The following AKAP6 variants were observed in gnomAD, a reference collection of about 807,000 sequenced individuals.
AKAP6 encodes A-kinase anchor protein 6.
AKAP6 carries 58 observed loss-of-function variants against 188.5 expected under a neutral mutation model. The observed-to-expected ratio is 0.31, with a 90% CI of 0.25 to 0.38. The LOEUF (loss-of-function observed/expected upper bound fraction) is 0.38, where lower values mean the gene tolerates loss of function less well. Among genes scored for constraint, AKAP6 ranks in the 10% least tolerant of loss-of-function variants. The probability of loss-of-function intolerance (pLI) is 1.00; values close to 1 mark genes in which losing one functional copy is unlikely to be tolerated. For synonymous variants in AKAP6, 989 were observed against 998.6 expected (o/e 0.99, Z 0.18); for missense variants, 2,710 against 2,740.0 (o/e 0.99, Z 0.24).
chr14:32,576,245 A>T (rs1884710412), intron 4 of AKAP6, among the ~76,000 whole-genome samples: 1 of 152,046 alleles, frequency 6.6e-6, no homozygotes, highest in African/African-American at 2.4e-5. Context: ...ATTCCTAGTT[A>T]TGTGTGGAAG....
chr14:32,817,822 G>A (rs903452338), intron 12 of AKAP6, among the ~76,000 whole-genome samples: 3 of 152,160 alleles, frequency 2.0e-5, no homozygotes, highest in Non-Finnish European at 4.4e-5. Flanking sequence ...ATTAGCTTGA[G>A]CATTATTGGT....
At chr14:32,736,031 C>A (rs1156329958) in intron 11 of AKAP6, 149 bp downstream of exon 11, 8 of 616,250 alleles carry the variant, frequency 1.3e-5, no homozygotes, top group Admixed American at 3.2e-5. Context: ...CTCCACATTT[C>A]TTATATGTCT....
chr14:32,481,899 C>G (rs755016739), intron 2 of AKAP6, among the ~76,000 whole-genome samples: 1 of 152,168 alleles, frequency 6.6e-6, no homozygotes, highest in Admixed American at 6.5e-5. Context: ...TCCACTTCCT[C>G]TTTTCTCACT....
At chr14:32,486,348 CA>C (rs145774128) in intron 2 of AKAP6, among the ~76,000 whole-genome samples, 2,504 of 152,164 alleles carry the variant, frequency 0.016, 67 homozygotes, top group African/African-American at 0.055. Context: ...TCTAATTCTG[CA>C]AAGAAAGACG....
At chr14:32,463,175 G>A (rs1050916591) in intron 2 of AKAP6, among the ~76,000 whole-genome samples, 2 of 151,770 alleles carry the variant, frequency 1.3e-5, no homozygotes, top group South Asian at 2.1e-4. Flanking sequence ...CCTCACTGTC[G>A]ATATTAAATG....
At chr14:32,585,675 A>C (rs1174200839) in intron 5 of AKAP6, among the ~76,000 whole-genome samples, 2 of 152,246 alleles carry the variant, frequency 1.3e-5, no homozygotes, top group African/African-American at 4.8e-5. Flanking sequence ...AATTTTAATC[A>C]GTAAACTTCT....
intron 9 of AKAP6, among the ~76,000 whole-genome samples, chr14:32,723,557 T>TG (rs35237019): frequency 0.31 from 43,790 of 140,800 alleles, 7,215 homozygotes; most frequent in South Asian, 0.45. Context: ...GCGTATGTGT[T>TG]TATGTGTGTG....
chr14:32,580,475 TA>T (rs1294931578), intron 5 of AKAP6, among the ~76,000 whole-genome samples: 1 of 152,070 alleles, frequency 6.6e-6, no homozygotes, highest in Non-Finnish European at 1.5e-5. Flanking sequence ...CTCCTACACT[TA>T]AAAAAACAGC....
intron 1 of AKAP6, among the ~76,000 whole-genome samples, chr14:32,386,313 G>T (rs529521395): frequency 3.9e-4 from 60 of 152,134 alleles, no homozygotes; most frequent in Middle Eastern, 6.8e-3. Context: ...CAGGAGTAAA[G>T]TGGTAACGCA....
chr14:32,777,913 C>T (rs1431172301), intron 12 of AKAP6, among the ~76,000 whole-genome samples: 8 of 152,126 alleles, frequency 5.3e-5, no homozygotes, highest in African/African-American at 1.7e-4. Flanking sequence ...AAGACACATG[C>T]GTGCAGTCCC....
chr14:32,373,678 G>A (rs1244829675), intron 1 of AKAP6: 1 of 152,158 alleles, frequency 6.6e-6, no homozygotes, highest in Non-Finnish European at 1.5e-5. Flanking sequence ...AGTTTCTCCC[G>A]AAGTTAGTTC....
intron 4 of AKAP6, among the ~76,000 whole-genome samples, chr14:32,548,903 T>C (rs1396585801): frequency 6.6e-6 from 1 of 152,168 alleles, no homozygotes; most frequent in East Asian, 1.9e-4. Flanking sequence ...TTTTTTTTTG[T>C]TCTGTTTTTT....
chr14:32,781,348 CAA>C (rs34848067), intron 12 of AKAP6, among the ~76,000 whole-genome samples: 17 of 117,162 alleles, frequency 1.5e-4, no homozygotes, highest in East Asian at 2.4e-4. Context: ...AACTTACTCT[CAA>C]AAAAAAAAAA....
chr14:32,815,367 G>T (rs997335114), intron 12 of AKAP6, among the ~76,000 whole-genome samples: 3 of 152,202 alleles, frequency 2.0e-5, no homozygotes, highest in African/African-American at 7.2e-5. Flanking sequence ...CAATCTGATA[G>T]ATAGTGAGCA....
chr14:32,625,424 C>T (rs1162146714), intron 7 of AKAP6, among the ~76,000 whole-genome samples: 2 of 151,978 alleles, frequency 1.3e-5, no homozygotes. Flanking sequence ...TGTGCATAAA[C>T]CTGTGTTTTT....
chr14:32,460,176 C>A (rs1891276627), intron 2 of AKAP6, among the ~76,000 whole-genome samples: 1 of 152,140 alleles, frequency 6.6e-6, no homozygotes, highest in Non-Finnish European at 1.5e-5. Flanking sequence ...TAAATAATAT[C>A]ATGGGGCTGC....
At chr14:32,720,835 C>T (rs548599477) in intron 9 of AKAP6, among the ~76,000 whole-genome samples, 14 of 152,036 alleles carry the variant, frequency 9.2e-5, no homozygotes, top group Non-Finnish European at 1.8e-4. Flanking sequence ...CCAGCCTGGG[C>T]AACACAGCAA....
intron 11 of AKAP6, among the ~76,000 whole-genome samples, chr14:32,765,263 G>T (rs891083014): frequency 1.3e-5 from 2 of 152,130 alleles, no homozygotes; most frequent in African/African-American, 4.8e-5. Flanking sequence ...TATTTGAAGA[G>T]AATGTAACAT....
chr14:32,630,351 A>G (rs1887215934), intron 7 of AKAP6, among the ~76,000 whole-genome samples: 1 of 152,116 alleles, frequency 6.6e-6, no homozygotes, highest in Non-Finnish European at 1.5e-5. Context: ...TTCAACTATA[A>G]TAACAGTATG....
Sources: gnomAD v4.1 joint callset for allele counts (sites outside exome capture counted in the v4.1 genomes callset) on GRCh38, gnomAD v4.1.1 for gene constraint, MANE v1.5 for transcripts, NCBI Gene and HGNC (gene_info 2026-07-23, HGNC 2026-07-21) for gene names.